TTC23: variants seen among roughly 807,000 people sequenced by gnomAD.
TTC23 encodes the protein tetratricopeptide repeat domain 23, also known as tetratricopeptide repeat protein 23.
In TTC23, 58 loss-of-function variants were observed where a neutral mutation model predicts 55.1. The ratio of observed to expected loss-of-function variants is 1.05; its 90% CI spans 0.85 to 1.31. The LOEUF is 1.31. Among genes scored for constraint, TTC23 ranks in the 50% most tolerant of loss-of-function variants. The pLI, the probability that TTC23 is intolerant of heterozygous loss-of-function variation, is 0.00. For synonymous variants in TTC23, 203 were observed against 199.9 expected, an observed-to-expected ratio of 1.02 and a Z score of -0.13; for missense variants, 516 against 534.4, an observed-to-expected ratio of 0.97 and a Z score of 0.34.
intron 12 of TTC23, among the ~76,000 whole-genome samples, chr15:99,143,188 T>G (rs1459074635): frequency 2.0e-5 from 3 of 152,254 alleles, no homozygotes; most frequent in Non-Finnish European, 4.4e-5. Flanking sequence ...CAAAGATAGC[T>G]TTTTAAAACA....
intron 9 of TTC23, among the ~76,000 whole-genome samples, chr15:99,191,568 G>A (rs546193658): frequency 3.3e-5 from 5 of 152,272 alleles, no homozygotes; most frequent in African/African-American, 1.2e-4. Context: ...CTTTTTGCCT[G>A]CTGCCATCCA....
chr15:99,154,039 C>G (rs1196136285), intron 12 of TTC23, among the ~76,000 whole-genome samples: 3 of 152,114 alleles, frequency 2.0e-5, no homozygotes, highest in South Asian at 4.1e-4. Flanking sequence ...CCATTAGGGA[C>G]AGAAAGCTTC....
At chr15:99,235,411 G>A (rs1270059007) in intron 3 of TTC23, among the ~76,000 whole-genome samples, 2 of 141,844 alleles carry the variant, frequency 1.4e-5, no homozygotes, top group East Asian at 2.1e-4. Flanking sequence ...TTGCTCTGTC[G>A]CCAGGCTAAA....
chr15:99,211,587 C>G lies in TTC23; in HGVS notation c.581+7001G>C, dbSNP rs2077043472. 9.2e-5 allele frequency among the ~76,000 whole-genome samples: 14 copies of G among 151,960 alleles called. No individual in the cohort carries two copies. The South Asian group carries it at 2.7e-3, about 29-fold the overall frequency. On this transcript the variant is annotated intron_variant, in intron 8 of 13. Coordinates refer to ENST00000394132, the MANE Select transcript of TTC23 (RefSeq NM_001288615.3). The stretch of plus-strand genomic sequence containing the variant: ...ATTTAAAATCACCTCTGGGATGAAA[C>G]AGCAGAAAGGAAAATGTTCAATTAG...
chr15:99,226,521 G>A (rs776322900), intron 5 of TTC23, among the ~76,000 whole-genome samples: 5 of 152,098 alleles, frequency 3.3e-5, no homozygotes, highest in South Asian at 2.1e-4. Flanking sequence ...AGTAAATTAC[G>A]TCATGTTAAT....
At chr15:99,143,466 T>C (rs984646200) in intron 12 of TTC23, among the ~76,000 whole-genome samples, 14 of 152,340 alleles carry the variant, frequency 9.2e-5, no homozygotes, top group African/African-American at 3.4e-4. Flanking sequence ...ACCTTGACAG[T>C]AGAACATTCT....
intron 4 of TTC23, among the ~76,000 whole-genome samples, chr15:99,231,522 C>T (rs1462442571): frequency 3.3e-5 from 5 of 152,164 alleles, no homozygotes; most frequent in Non-Finnish European, 5.9e-5. Flanking sequence ...GACGAAGTCT[C>T]GCTCTGTTGC....
intron 2 of TTC23, among the ~76,000 whole-genome samples, chr15:99,242,007 C>T (rs1447536619): frequency 1.3e-5 from 2 of 152,006 alleles, no homozygotes; most frequent in Non-Finnish European, 2.9e-5. Context: ...TGGTGGCGCT[C>T]GGCTTCTCCA....
chr15:99,221,961 TG>T, intron 5 of TTC23, 97 bp from the exon 6 acceptor site: 3 of 1,384,400 alleles, frequency 2.2e-6, no homozygotes, highest in Non-Finnish European at 3.0e-6. Flanking sequence ...AAATACTGAG[TG>T]ACTACTATGT....
chr15:99,158,389 A>C (rs772932080), intron 11 of TTC23: 1 of 152,262 alleles, frequency 6.6e-6, no homozygotes, highest in Non-Finnish European at 1.5e-5. Flanking sequence ...TGCCGCCTAC[A>C]GCCTGACTGC....
At chr15:99,233,490 C>G (rs528272770) in intron 4 of TTC23, among the ~76,000 whole-genome samples, 2 of 152,212 alleles carry the variant, frequency 1.3e-5, no homozygotes, top group Non-Finnish European at 2.9e-5. Context: ...AAAAGAAAAA[C>G]TGTATGATCT....
chr15:99,175,311 T>C (rs2073417955), intron 9 of TTC23, among the ~76,000 whole-genome samples, 156 bp from the exon 10 acceptor site: 1 of 152,252 alleles, frequency 6.6e-6, no homozygotes, highest in Non-Finnish European at 1.5e-5. Flanking sequence ...GCAGGAAAGC[T>C]GGATTTTAAA....
At chr15:99,147,698 T>C (rs1402711869) in intron 12 of TTC23, among the ~76,000 whole-genome samples, 23 of 152,174 alleles carry the variant, frequency 1.5e-4, no homozygotes, top group Admixed American at 1.4e-3. Flanking sequence ...TTAATGTCAT[T>C]ATGACCCTCT....
intron 12 of TTC23, 25 bp downstream of exon 12, chr15:99,156,123 G>C (rs200643598): frequency 3.4e-5 from 55 of 1,614,130 alleles, no homozygotes; most frequent in East Asian, 8.9e-5. Context: ...GCCTAGTCTC[G>C]TGTTAGTACT....
chr15:99,213,952 T>C lies in TTC23; in HGVS notation c.581+4636A>G, dbSNP rs192115468. On this transcript the variant is annotated intron_variant, in intron 8 of 13. Coordinates refer to ENST00000394132, the MANE Select transcript of TTC23 (RefSeq NM_001288615.3). ...TCAAAAGGTATGCAAATGTTTAAAT[T>C]TAGGAGACAATGCCAAATAGTTTTC... is the stretch of plus-strand genomic sequence containing the variant. Among the ~76,000 whole-genome samples the C allele has an allele frequency of 1.0e-3, 156 of 152,274 alleles. No individual in the cohort carries two copies. The Middle Eastern group carries it at 0.034, about 33-fold the overall frequency.
chr15:99,226,489 C>T (rs529651593), intron 5 of TTC23, among the ~76,000 whole-genome samples: 1 of 152,252 alleles, frequency 6.6e-6, no homozygotes, highest in Non-Finnish European at 1.5e-5. Flanking sequence ...TACAAAATTA[C>T]TAAAAAACTG....
Position 99,221,808 on chromosome 15 carries a change from A to C in TTC23, c.237T>G (p.Tyr79Ter). The C allele has an allele frequency of 6.2e-7, 1 of 1,614,222 alleles. No individual in the cohort carries two copies. The highest frequency in any genetic ancestry group is 8.5e-7 in the Non-Finnish European group (1 of 1,180,024). The change falls in exon 6 of 14, where the codon TAT becomes TAG. Residue 79 changes from tyrosine to a stop codon, truncating the protein, a stop_gained. Transcript: ENST00000394132. LOFTEE classifies it high-confidence loss of function. ...CTGCTAGTTTCCAATGTGAGTCTCCATAGCAAATTCTTGTCAGTGCTACGC... is the reference window on the plus strand; with the variant it reads ...CTGCTAGTTTCCAATGTGAGTCTCCCTAGCAAATTCTTGTCAGTGCTACGC... ...VRCVALTRIC[Y>*]GDSHWKLAEA...
rs377100672 is a variant in TTC23 at position 99,228,649 on chromosome 15, T to C, written c.64A>G (p.Ile22Val). Residue 22 changes from isoleucine to valine, a missense_variant, in exon 5 of 14, where the codon ATC (isoleucine) becomes GTC (valine). Coordinates refer to ENST00000394132, the MANE Select transcript of TTC23 (RefSeq NM_001288615.3). ...HLDEVVAAVS[I>V]THRKKFQNKL... Reference sequence around the variant, plus strand: ...TTTTGGAACTTCTTTCTATGAGTGATGCTAACAGCAGCAACAACTTCATCT... The same window carrying C: ...TTTTGGAACTTCTTTCTATGAGTGACGCTAACAGCAGCAACAACTTCATCT... 8 of 1,613,804 alleles carry C rather than the reference T, an allele frequency of 5.0e-6. No homozygotes were observed. In the African/African-American group the frequency reaches 8.0e-5, roughly 16 times the overall value.
intron 6 of TTC23, among the ~76,000 whole-genome samples, chr15:99,219,591 T>C (rs548210532): frequency 6.6e-6 from 1 of 152,288 alleles, no homozygotes; most frequent in East Asian, 1.9e-4. Flanking sequence ...GACAATTTCA[T>C]CTTCCTATGT....
Sources: allele counts gnomAD v4.1 joint callset (sites outside exome capture counted in the v4.1 genomes callset), GRCh38; gene constraint gnomAD v4.1.1; transcripts MANE v1.5; gene names NCBI Gene and HGNC (gene_info 2026-07-23, HGNC 2026-07-21).